The following SORBS2 variants were observed in gnomAD, a reference collection of about 807,000 sequenced individuals.
SORBS2 encodes the protein sorbin and SH3 domain-containing protein 2.
Under a neutral mutation model 97.7 loss-of-function variants are expected in SORBS2, and 46 were observed. The ratio of observed to expected loss-of-function variants is 0.47; its 90% CI spans 0.37 to 0.60. SORBS2 has a LOEUF of 0.60. SORBS2 is among the 20% of genes least tolerant of loss of function. SORBS2 has a pLI of 0.00. For synonymous variants in SORBS2, 476 were observed against 473.4 expected, an observed-to-expected ratio of 1.01 and a Z score of -0.07; for missense variants, 1,316 against 1,282.3, an observed-to-expected ratio of 1.03 and a Z score of -0.40.
intron 1 of SORBS2, among the ~76,000 whole-genome samples, chr4:185,940,137 C>G (rs2099271152): frequency 6.6e-6 from 1 of 152,116 alleles, no homozygotes; most frequent in Non-Finnish European, 1.5e-5. Context: ...CATGGCCTTC[C>G]CACCTCACCC....
chr4:185,843,210 C>A (rs555350182), intron 1 of SORBS2, among the ~76,000 whole-genome samples: 1 of 152,004 alleles, frequency 6.6e-6, no homozygotes, highest in Admixed American at 6.6e-5. Context: ...AATGGGAATC[C>A]GGAGAGTGTG....
chr4:185,889,479 T>C (rs985740508), intron 1 of SORBS2, among the ~76,000 whole-genome samples: 4 of 152,302 alleles, frequency 2.6e-5, no homozygotes, highest in South Asian at 4.1e-4. Flanking sequence ...TTCATAGTTA[T>C]GAAGTCCAGT....
intron 1 of SORBS2, among the ~76,000 whole-genome samples, chr4:185,820,743 C>T (rs2099196298): frequency 6.6e-6 from 1 of 152,246 alleles, no homozygotes. Flanking sequence ...CGGGACTTCA[C>T]ACGCTGCACA....
At chr4:185,869,308 T>C (rs1161456290) in intron 1 of SORBS2, among the ~76,000 whole-genome samples, 1 of 152,188 alleles carries the variant, frequency 6.6e-6, no homozygotes, top group Non-Finnish European at 1.5e-5. Flanking sequence ...ATGTATTCAG[T>C]TGGTAGGAGG....
chr4:185,660,608 A>T (rs1026322161), upstream of SORBS2, among the ~76,000 whole-genome samples: 7 of 152,228 alleles, frequency 4.6e-5, no homozygotes, highest in African/African-American at 1.7e-4. Flanking sequence ...GCTGAGTTCC[A>T]CCATGCACAT....
chr4:185,917,319 C>T (rs2099258722), intron 1 of SORBS2, among the ~76,000 whole-genome samples: 1 of 152,206 alleles, frequency 6.6e-6, no homozygotes, highest in Admixed American at 6.5e-5. Context: ...CTCCGCCTCC[C>T]GGGCTCAAGG....
intron 4 of SORBS2, chr4:185,677,546 G>A: frequency 6.5e-7 from 1 of 1,548,854 alleles, no homozygotes; most frequent in African/African-American, 1.4e-5. Flanking sequence ...GAATTTGTGT[G>A]TTAGTTACTA....
In SORBS2 at chr4:185,809,185, A is replaced by C. The variant is rs183948012; in HGVS notation, c.-337-33819T>G. 6.6e-5 allele frequency among the ~76,000 whole-genome samples: 10 copies of C among 152,254 alleles called. No individual in the cohort carries two copies. In the East Asian group the frequency reaches 1.9e-3, roughly 29 times the overall value. On this transcript the variant is annotated intron_variant, in intron 1 of 20. Coordinates refer to the SORBS2 transcript ENST00000284776. ...ACTAATAGGAAAATATTGAAGTCTGAGGTTACCAGTACAATGTCTGAATGC... is the reference window on the plus strand; with the variant it reads ...ACTAATAGGAAAATATTGAAGTCTGCGGTTACCAGTACAATGTCTGAATGC...
intron 4 of SORBS2, chr4:185,665,815 C>G: frequency 1.8e-6 from 2 of 1,114,396 alleles, no homozygotes; most frequent in Non-Finnish European, 2.2e-6. Flanking sequence ...TGTCTCAGAA[C>G]GGCCAGTGGT....
upstream of SORBS2, chr4:185,657,200 T>C (rs2097421056): frequency 2.5e-6 from 1 of 398,374 alleles, no homozygotes; most frequent in Non-Finnish European, 4.3e-6. Context: ...AAAATCGCAA[T>C]GTTCATGATG....
chr4:185,776,335 T>G (rs2098999441), intron 1 of SORBS2, among the ~76,000 whole-genome samples: 1 of 152,174 alleles, frequency 6.6e-6, no homozygotes, highest in Admixed American at 6.5e-5. Flanking sequence ...TGAGATCTCT[T>G]TCTATTGTGG....
intron 2 of SORBS2, among the ~76,000 whole-genome samples, chr4:185,693,812 T>C (rs2098132277): frequency 6.6e-6 from 1 of 152,236 alleles, no homozygotes; most frequent in Non-Finnish European, 1.5e-5. Context: ...ATTGTTTGAA[T>C]TCAAATGCCG....
intron 1 of SORBS2, among the ~76,000 whole-genome samples, chr4:185,859,415 G>A (rs774810317): frequency 8.6e-5 from 13 of 152,012 alleles, no homozygotes; most frequent in South Asian, 2.1e-4. Flanking sequence ...CACACCCTGC[G>A]TTTCCCACAC....
chr4:185,643,402 C>T (rs535971360), intron 4 of SORBS2, among the ~76,000 whole-genome samples: 85 of 152,242 alleles, frequency 5.6e-4, no homozygotes, highest in African/African-American at 1.7e-3. Flanking sequence ...AGCTGGAGCC[C>T]AGTCACAGGT....
intron 1 of SORBS2, among the ~76,000 whole-genome samples, chr4:185,847,548 C>T (rs1001062741): frequency 5.3e-5 from 8 of 152,142 alleles, no homozygotes; most frequent in Non-Finnish European, 1.2e-4. Flanking sequence ...TCCTCTCCTC[C>T]CAACTGCAGC....
intron 2 of SORBS2, among the ~76,000 whole-genome samples, chr4:185,709,320 T>TTTTTTTTTTTTTTTTTTTTTTGTTTTTTC (rs1181008953): frequency 7.1e-6 from 1 of 140,978 alleles, no homozygotes; most frequent in African/African-American, 2.7e-5. Context: ...TTTTTTTTTT[T>TTTTTTTTTTTTTTTTTTTTTTGTTTTTTC]TTTTAGTAAA....
At chr4:185,748,240 T>C (rs1248548516) in intron 2 of SORBS2, among the ~76,000 whole-genome samples, 5 of 152,158 alleles carry the variant, frequency 3.3e-5, no homozygotes, top group African/African-American at 1.2e-4. Context: ...TGGGCTTTCA[T>C]GAAGTAAGTT....
chr4:185,811,413 A>G (rs2099183980), intron 1 of SORBS2, among the ~76,000 whole-genome samples: 2 of 152,198 alleles, frequency 1.3e-5, no homozygotes, highest in South Asian at 4.1e-4. Flanking sequence ...CTCAAACAGT[A>G]AATATTGGTT....
chr4:185,949,569 G>A (rs141227892), intron 1 of SORBS2, among the ~76,000 whole-genome samples: 2 of 152,248 alleles, frequency 1.3e-5, no homozygotes, highest in Non-Finnish European at 2.9e-5. Context: ...GGGGGGCAGA[G>A]TGAGGAGTGG....
Sources: gnomAD v4.1 joint callset for allele counts (sites outside exome capture counted in the v4.1 genomes callset) on GRCh38, gnomAD v4.1.1 for gene constraint, MANE v1.5 for transcripts, NCBI Gene and HGNC (gene_info 2026-07-23, HGNC 2026-07-21) for gene names.